MAGI2: variants seen among roughly 807,000 people sequenced by gnomAD.
The protein encoded by MAGI2 is membrane-associated guanylate kinase, WW and PDZ domain-containing protein 2.
Under a neutral mutation model 133.3 loss-of-function variants are expected in MAGI2, and 35 were observed. That is an observed-to-expected ratio of 0.26 (90% CI 0.20 to 0.35). The LOEUF (loss-of-function observed/expected upper bound fraction) is 0.35. Among genes scored for constraint, MAGI2 ranks in the 10% least tolerant of loss-of-function variants. MAGI2 has a pLI of 1.00. For missense variants in MAGI2, 1,636 were observed against 1,863.4 expected, an observed-to-expected ratio of 0.88 and a Z score of 2.25; for synonymous variants, 729 against 710.6, an observed-to-expected ratio of 1.03 and a Z score of -0.41.
In MAGI2 at chr7:78,135,050, C is replaced by T; in HGVS notation, c.3002G>A (p.Ser1001Asn). Reference sequence around the variant, plus strand: ...CTGAGGAATGATGCGAAGGGTGACACTAAGACCTGCATCCTTGATGAGCTT... The same window carrying T: ...CTGAGGAATGATGCGAAGGGTGACATTAAGACCTGCATCCTTGATGAGCTT... ...IVKLIKDAGL[S>N]VTLRIIPQEE... is the part of the protein sequence containing the mutation. Residue 1001 changes from serine to asparagine, a missense_variant, in exon 17 of 22, where the codon AGT becomes AAT. Physicochemically the swap from Ser to Asn is conservative, Grantham distance 46. Coordinates refer to ENST00000354212, the MANE Select transcript of MAGI2 (RefSeq NM_012301.4). 6.2e-7 allele frequency: 1 copy of T among 1,614,152 alleles called. No individual in the cohort carries two copies. Among genetic ancestry groups the T allele is most frequent in the Admixed American group, 1.7e-5 (1 of 60,022 alleles).
intron 1 of MAGI2, among the ~76,000 whole-genome samples, chr7:79,266,374 T>A (rs1423660792): frequency 2.0e-5 from 3 of 151,904 alleles, no homozygotes; most frequent in Non-Finnish European, 4.4e-5. Context: ...GATACCCTTA[T>A]TTTTCCAAAC....
chr7:78,049,524 C>T (rs541602140), intron 21 of MAGI2, among the ~76,000 whole-genome samples: 2 of 152,326 alleles, frequency 1.3e-5, no homozygotes, highest in South Asian at 2.1e-4. Context: ...GCTGAGAGCT[C>T]GGTAGTTACT....
At chr7:78,272,852 T>C (rs1006899223) in intron 9 of MAGI2, among the ~76,000 whole-genome samples, 1 of 152,166 alleles carries the variant, frequency 6.6e-6, no homozygotes, top group Non-Finnish European at 1.5e-5. Context: ...GTGAGATGGG[T>C]CTACTGAATA....
chr7:78,960,957 C>G (rs574389747), intron 2 of MAGI2, among the ~76,000 whole-genome samples: 1 of 152,086 alleles, frequency 6.6e-6, no homozygotes, highest in Non-Finnish European at 1.5e-5. Flanking sequence ...TCCTAAGTAA[C>G]AGAAACTCCA....
intron 6 of MAGI2, among the ~76,000 whole-genome samples, chr7:78,394,092 G>C (rs567466361): frequency 1.2e-4 from 19 of 152,130 alleles, no homozygotes; most frequent in South Asian, 2.1e-4. Flanking sequence ...CTGAGAACCA[G>C]GAGTTCTGAT....
chr7:78,805,710 C>A (rs533098561), intron 2 of MAGI2, among the ~76,000 whole-genome samples: 35 of 152,152 alleles, frequency 2.3e-4, no homozygotes, highest in Non-Finnish European at 4.7e-4. Flanking sequence ...ATCATTCACT[C>A]TGGGAAAGCC....
intron 1 of MAGI2, among the ~76,000 whole-genome samples, chr7:79,156,672 C>T (rs1823810904): frequency 6.6e-6 from 1 of 152,132 alleles, no homozygotes; most frequent in South Asian, 2.1e-4. Context: ...ATTGATGTCT[C>T]ATGCCTCCCT....
chr7:79,421,334 T>C (rs1412870192), intron 1 of MAGI2, among the ~76,000 whole-genome samples: 1 of 151,998 alleles, frequency 6.6e-6, no homozygotes, highest in Non-Finnish European at 1.5e-5. Context: ...TTAGTGTTAC[T>C]GCTATTATTA....
intron 20 of MAGI2, among the ~76,000 whole-genome samples, chr7:78,109,053 C>T (rs10267601): frequency 0.013 from 1,947 of 151,666 alleles, 20 homozygotes; most frequent in African/African-American, 0.033. Context: ...GCCTGTAATC[C>T]CAGCACTTTG....
chr7:78,902,106 A>G (rs1797657784), intron 2 of MAGI2, among the ~76,000 whole-genome samples: 1 of 152,104 alleles, frequency 6.6e-6, no homozygotes, highest in Non-Finnish European at 1.5e-5. Context: ...CTTTCAGACA[A>G]CTTTATAGTT....
intron 2 of MAGI2, among the ~76,000 whole-genome samples, chr7:78,871,916 A>T (rs2151523308): frequency 6.6e-6 from 1 of 152,196 alleles, no homozygotes; most frequent in South Asian, 2.1e-4. Context: ...ACATATATTC[A>T]CATATGGTTA....
chr7:79,365,621 G>T (rs1305477985), intron 1 of MAGI2, among the ~76,000 whole-genome samples: 1 of 151,960 alleles, frequency 6.6e-6, no homozygotes, highest in African/African-American at 2.4e-5. Context: ...ACTTTGGGGG[G>T]CCGAGGCGGG....
intron 21 of MAGI2, among the ~76,000 whole-genome samples, chr7:78,046,409 AAC>A (rs1811432125): frequency 7.5e-6 from 1 of 133,886 alleles, no homozygotes; most frequent in Non-Finnish European, 1.6e-5. Flanking sequence ...CTCAAAAAAA[AAC>A]AAAAAAAAAA....
At chr7:79,288,779 T>A (rs1378018647) in intron 1 of MAGI2, among the ~76,000 whole-genome samples, 1 of 152,114 alleles carries the variant, frequency 6.6e-6, no homozygotes, top group Non-Finnish European at 1.5e-5. Context: ...TTATCTACTT[T>A]AAAATGACAG....
At chr7:78,573,296 A>T (rs1336329795) in intron 3 of MAGI2, among the ~76,000 whole-genome samples, 1 of 62,136 alleles carries the variant, frequency 1.6e-5, no homozygotes, top group Non-Finnish European at 2.8e-5. Flanking sequence ...ATATAAATAT[A>T]TATATTTATA....
intron 1 of MAGI2, among the ~76,000 whole-genome samples, chr7:79,202,540 A>T (rs10262446): frequency 4.6e-5 from 7 of 151,878 alleles, no homozygotes; most frequent in African/African-American, 1.5e-4. Flanking sequence ...CTTAGGATCC[A>T]CTAACTACCA....
intron 1 of MAGI2, among the ~76,000 whole-genome samples, chr7:79,440,030 C>T (rs1848395184): frequency 6.6e-6 from 1 of 152,094 alleles, no homozygotes; most frequent in Non-Finnish European, 1.5e-5. Flanking sequence ...CATTTCAAAG[C>T]TCATCTTTCT....
intron 1 of MAGI2, among the ~76,000 whole-genome samples, chr7:79,163,740 T>G (rs1172565379): frequency 6.6e-6 from 1 of 152,070 alleles, no homozygotes. Context: ...GGTTGTTTAC[T>G]GCCCTCTGAT....
At chr7:78,547,776 A>T (rs562923060) in intron 3 of MAGI2, among the ~76,000 whole-genome samples, 10 of 152,380 alleles carry the variant, frequency 6.6e-5, no homozygotes, top group Admixed American at 3.9e-4. Flanking sequence ...CAAAGGGAAA[A>T]TGTGCAAACC....
Sources: gnomAD v4.1 joint callset for allele counts (sites outside exome capture counted in the v4.1 genomes callset) on GRCh38, gnomAD v4.1.1 for gene constraint, MANE v1.5 for transcripts, NCBI Gene and HGNC (gene_info 2026-07-23, HGNC 2026-07-21) for gene names.